The following MR1 variants were observed in gnomAD, a reference collection of about 807,000 sequenced individuals.
MR1 encodes major histocompatibility complex class I-related protein 1.
In MR1, 44 loss-of-function variants were observed where a neutral mutation model predicts 37.8. That is an observed-to-expected ratio of 1.16 (90% confidence interval 0.91 to 1.50). The LOEUF (loss-of-function observed/expected upper bound fraction) is 1.50, where lower values mean the gene tolerates loss of function less well. MR1 is among the 40% of genes most tolerant of loss of function. The pLI, the probability that MR1 is intolerant of heterozygous loss-of-function variation, is 0.00. For missense variants in MR1, 386 were observed against 419.1 expected, an observed-to-expected ratio of 0.92 and a Z score of 0.69; for synonymous variants, 153 against 155.8, an observed-to-expected ratio of 0.98 and a Z score of 0.13.
At chr1:181,045,863 G>A (rs1010087012) in intron 1 of MR1, among the ~76,000 whole-genome samples, 4 of 152,258 alleles carry the variant, frequency 2.6e-5, no homozygotes, top group African/African-American at 7.2e-5. Context: ...CCCGGGCTGC[G>A]GGCGGCGCTT....
At position 181,061,359 on chromosome 1, in the gene MR1, G is replaced by A. The variant is rs1206088829; in HGVS notation, c.*6094G>A. On this transcript the variant is annotated 3_prime_UTR_variant, in exon 6 of 6. Coordinates refer to ENST00000367580, the MANE Select transcript of MR1 (RefSeq NM_001385161.1). The stretch of plus-strand genomic sequence containing the variant: ...CACCCGGCTTGGCCAGCAGAACACA[G>A]AGTAGATTTTGGTCCCGTTTGTTCC... The A allele has an allele frequency of 6.6e-6, 1 of 152,246 alleles. No individual in the cohort carries two copies. The highest frequency in any genetic ancestry group is 1.5e-5 in the Non-Finnish European group (1 of 68,050). The allele number at this position is 152,246 out of a possible 1,614,324, so 9.4% of individuals were successfully genotyped here.
rs1287816544 is a variant in MR1 at position 181,055,657 on chromosome 1, C to T, written c.*392C>T. ...GCCTTGGACTTGAGCCTCCAGCCTC[C>T]ACTTGAACACCATGTGAAGGGAACC... On this transcript the variant is annotated 3_prime_UTR_variant, in exon 6 of 6. Coordinates refer to ENST00000367580, the MANE Select transcript of MR1 (RefSeq NM_001385161.1). The T allele has an allele frequency of 4.5e-6, 1 of 222,514 alleles. No homozygotes were observed. The highest frequency in any genetic ancestry group is 2.3e-5 in the African/African-American group (1 of 43,758). The allele number at this position is 222,514 out of a possible 1,614,324, so 13.8% of individuals were successfully genotyped here.
chr1:181,045,979 G>A (rs1319439723), intron 1 of MR1, among the ~76,000 whole-genome samples: 1 of 152,232 alleles, frequency 6.6e-6, no homozygotes, highest in Non-Finnish European at 1.5e-5. Context: ...CCGGGCCAGC[G>A]GCTGCGGAGG....
chr1:181,051,135 G>A (rs1658294769), intron 3 of MR1: 1 of 151,836 alleles, frequency 6.6e-6, no homozygotes, highest in South Asian at 2.1e-4. Context: ...TGATGCTACA[G>A]GAAACTCCTA....
At chr1:181,039,949 A>G (rs959128097) in intron 1 of MR1, among the ~76,000 whole-genome samples, 1 of 152,096 alleles carries the variant, frequency 6.6e-6, no homozygotes, top group Admixed American at 6.5e-5. Flanking sequence ...TTTACAATCC[A>G]GTGATTTTCA....
intron 1 of MR1, among the ~76,000 whole-genome samples, chr1:181,036,505 A>G (rs1336773506): frequency 1.3e-5 from 2 of 152,182 alleles, no homozygotes; most frequent in Non-Finnish European, 2.9e-5. Context: ...GCTAGCCCTG[A>G]GTGGGAGCTA....
rs1657984528 is a variant in MR1, at chr1:181,047,714, G to T, written c.68-1338G>T. ...AGTTTGAGACCAGCCTGGTCAATAT[G>T]GTGAAACCCCATCTCTACTTTAAAA... On this transcript the variant is annotated intron_variant, in intron 1 of 5. Coordinates refer to ENST00000367580, the MANE Select transcript of MR1 (RefSeq NM_001385161.1). Among the ~76,000 whole-genome samples, 6 of 151,326 alleles carry T rather than the reference G, an allele frequency of 4.0e-5. No individual in the cohort carries two copies. The South Asian group carries it at 1.3e-3, about 32-fold the overall frequency.
intron 1 of MR1, among the ~76,000 whole-genome samples, chr1:181,039,963 C>T (rs1302020418): frequency 2.0e-5 from 3 of 151,970 alleles, no homozygotes; most frequent in African/African-American, 7.3e-5. Context: ...ATTTTCACAG[C>T]CTTTTGTAAG....
chr1:181,046,655 T>C (rs557739481), intron 1 of MR1, among the ~76,000 whole-genome samples: 21 of 152,212 alleles, frequency 1.4e-4, no homozygotes, highest in African/African-American at 4.6e-4. Context: ...GAGCCAGCAG[T>C]GGCAACCGTC....
At chr1:181,047,784 C>T (rs1411719419) in intron 1 of MR1, among the ~76,000 whole-genome samples, 7 of 150,812 alleles carry the variant, frequency 4.6e-5, no homozygotes, top group Non-Finnish European at 7.4e-5. Flanking sequence ...CCTGTAGTCC[C>T]AGCTACTCAG....
Position 181,048,586 on chromosome 1 carries a change from C to T in MR1, c.68-466C>T, listed in dbSNP as rs529193892. ...TGTTTGTGTGCCTGTGTGTATATGC[C>T]CACACGTGCACACACAGAGGTGGAG... On this transcript the variant is annotated intron_variant, in intron 1 of 5. Coordinates refer to ENST00000367580, the MANE Select transcript of MR1 (RefSeq NM_001385161.1). Among the ~76,000 whole-genome samples the T allele has an allele frequency of 5.4e-4, 82 of 152,186 alleles. No individual in the cohort carries two copies. In the Middle Eastern group the frequency reaches 0.017, roughly 32 times the overall value.
At position 181,058,085 on chromosome 1, in the gene MR1, T is replaced by C. The variant is rs1658710463; in HGVS notation, c.*2820T>C. On this transcript the variant is annotated 3_prime_UTR_variant, in exon 6 of 6. Coordinates refer to ENST00000367580, the MANE Select transcript of MR1 (RefSeq NM_001385161.1). ...TCATTTTACTATAGATGGTTGAAGA[T>C]TATATTACTTCTTAATTGTTTTAGC... 1 of 152,258 alleles carries C rather than the reference T, an allele frequency of 6.6e-6. No individual in the cohort carries two copies. The highest frequency in any genetic ancestry group is 2.4e-5 in the African/African-American group (1 of 41,472). 9.4% of individuals were successfully genotyped at this position (152,258 alleles called of 1,614,324 possible). A position where few individuals can be genotyped will look rare whatever the true frequency, so the allele number is the denominator to read the frequency against.
At chr1:181,050,569 T>TTCCGTCA in intron 3 of MR1, 1 of 415,882 alleles carries the variant, frequency 2.4e-6, no homozygotes, top group Non-Finnish European at 4.5e-6. Flanking sequence ...CCGTCAATGA[T>TTCCGTCA]AAGCTGGGAA....
rs997690411 is a variant in MR1, at chr1:181,055,327, T to C, written c.*62T>C. ...GAGCCATGTTATCCTCTGTCCCCCA[T>C]AGAGTCAAGCCTAGTGCTTGAAGGT... On this transcript the variant is annotated 3_prime_UTR_variant, in exon 6 of 6. Coordinates refer to ENST00000367580, the MANE Select transcript of MR1 (RefSeq NM_001385161.1). The C allele has an allele frequency of 4.9e-5, 73 of 1,493,852 alleles. No homozygotes were observed. Among genetic ancestry groups the C allele is most frequent in the Middle Eastern group, 1.7e-4 (1 of 5,896 alleles). The allele number at this position is 1,493,852 out of a possible 1,614,324, so 92.5% of individuals were successfully genotyped here. A position where few individuals can be genotyped will look rare whatever the true frequency, so the allele number is the denominator to read the frequency against.
intron 1 of MR1, among the ~76,000 whole-genome samples, chr1:181,047,879 G>T (rs1393948916): frequency 7.0e-6 from 1 of 142,044 alleles, no homozygotes; most frequent in Non-Finnish European, 1.5e-5. Flanking sequence ...CAGCCTGGGC[G>T]ACAGAGTGAG....
At chr1:181,053,544 T>A in intron 4 of MR1, 29 bp from the exon 5 acceptor site, 2 of 1,545,178 alleles carry the variant, frequency 1.3e-6, no homozygotes. Flanking sequence ...AGGGGACTTG[T>A]GGATTTTTTC....
chr1:181,038,013 C>A (rs1023074536), intron 1 of MR1, among the ~76,000 whole-genome samples: 17 of 152,212 alleles, frequency 1.1e-4, no homozygotes, highest in African/African-American at 4.1e-4. Context: ...TCTTCATAAT[C>A]TTTATCTCCA....
rs1658692704 is a variant in MR1 at position 181,057,719 on chromosome 1, A to G, written c.*2454A>G. The stretch of plus-strand genomic sequence containing the variant: ...ATCATAATATAAAGAGATGATTAAA[A>G]AAAAAATACTGCCGGGCACGGTGGC... On this transcript the variant is annotated 3_prime_UTR_variant, in exon 6 of 6. Transcript: ENST00000367580. The G allele has an allele frequency of 6.6e-6, 1 of 152,214 alleles. No homozygotes were observed. The highest frequency in any genetic ancestry group is 6.5e-5 in the Admixed American group (1 of 15,278). 9.4% of individuals were successfully genotyped at this position (152,214 alleles called of 1,614,324 possible).
intron 1 of MR1, among the ~76,000 whole-genome samples, chr1:181,036,788 T>G (rs1344196055): frequency 2.6e-5 from 4 of 152,244 alleles, no homozygotes; most frequent in Admixed American, 6.5e-5. Flanking sequence ...GTATACCTAG[T>G]GCCCAACAGG....
Sources: gnomAD v4.1 joint callset for allele counts (sites outside exome capture counted in the v4.1 genomes callset) on GRCh38, gnomAD v4.1.1 for gene constraint, MANE v1.5 for transcripts, NCBI Gene and HGNC (gene_info 2026-07-23, HGNC 2026-07-21) for gene names.